Variants in PRLR observed in about 807,000 individuals in gnomAD.
PRLR encodes hPRL receptor.
Under a neutral mutation model 40.2 loss-of-function variants are expected in PRLR, and 13 were observed. The ratio of observed to expected loss-of-function variants is 0.32; its 90% CI spans 0.21 to 0.51. The LOEUF is 0.51. Among genes scored for constraint, PRLR ranks in the 20% least tolerant of loss-of-function variants. The probability of loss-of-function intolerance (pLI) is 0.97; values close to 1 mark genes in which losing one functional copy is unlikely to be tolerated. For synonymous variants in PRLR, 269 were observed against 278.7 expected (o/e 0.97, Z 0.35); for missense variants, 656 against 747.3 (o/e 0.88, Z 1.42).
chr5:35,208,349 T>C (rs1360730946), intron 1 of PRLR, among the ~76,000 whole-genome samples: 1 of 152,160 alleles, frequency 6.6e-6, no homozygotes, highest in African/African-American at 2.4e-5. Context: ...CCTTCCCTTA[T>C]CCCCCAGGTC....
intron 1 of PRLR, among the ~76,000 whole-genome samples, chr5:35,221,355 C>A (rs1182456019): frequency 1.3e-5 from 2 of 152,136 alleles, no homozygotes; most frequent in Non-Finnish European, 2.9e-5. Flanking sequence ...AAGCTTCTGG[C>A]AATGTGATTT....
downstream of PRLR, among the ~76,000 whole-genome samples, chr5:35,053,381 G>T (rs1021438505): frequency 6.6e-6 from 1 of 152,208 alleles, no homozygotes; most frequent in Non-Finnish European, 1.5e-5. Context: ...GACTGGGCAT[G>T]GTGGCTCACG....
At chr5:35,154,824 C>T (rs1485086065) in intron 1 of PRLR, among the ~76,000 whole-genome samples, 2 of 152,130 alleles carry the variant, frequency 1.3e-5, no homozygotes, top group Non-Finnish European at 2.9e-5. Flanking sequence ...AAAACGAGAT[C>T]ATGTCTTCTT....
chr5:35,093,306 T>C lies in PRLR; in HGVS notation c.-43-3643A>G, dbSNP rs566877129. Among the ~76,000 whole-genome samples the C allele has an allele frequency of 2.0e-5, 3 of 152,246 alleles. No homozygotes were observed. In the South Asian group the frequency reaches 6.2e-4, roughly 32 times the overall value. ...ATAAACCAGATCTGAGCTCCCAACA[T>C]ACCACTCCCCACTGTCAACCCCTCA... On this transcript the variant is annotated intron_variant, in intron 2 of 9. Transcript: ENST00000618457.
chr5:35,091,860 T>C (rs1561289198), intron 2 of PRLR, among the ~76,000 whole-genome samples: 3 of 152,246 alleles, frequency 2.0e-5, no homozygotes, highest in African/African-American at 7.2e-5. Context: ...GATGAGAGTC[T>C]ATCCACTGGC....
intron 1 of PRLR, among the ~76,000 whole-genome samples, chr5:35,200,535 G>C (rs1369877614): frequency 6.6e-6 from 1 of 152,202 alleles, no homozygotes; most frequent in East Asian, 1.9e-4. Flanking sequence ...CAACGAAATA[G>C]AGATACTTTC....
At chr5:35,076,735 C>T (rs751253170) in intron 5 of PRLR, among the ~76,000 whole-genome samples, 7 of 152,072 alleles carry the variant, frequency 4.6e-5, no homozygotes, top group Non-Finnish European at 7.4e-5. Context: ...CTCCAAGACA[C>T]GTAATTGTCA....
At chr5:35,088,479 T>G (rs1247930027) in intron 3 of PRLR, among the ~76,000 whole-genome samples, 1 of 152,170 alleles carries the variant, frequency 6.6e-6, no homozygotes, top group Non-Finnish European at 1.5e-5. Context: ...TCTTGAGTAT[T>G]TAGTTTCTCT....
intron 1 of PRLR, among the ~76,000 whole-genome samples, chr5:35,131,361 T>C (rs1773665150): frequency 6.6e-6 from 1 of 152,020 alleles, no homozygotes; most frequent in Non-Finnish European, 1.5e-5. Flanking sequence ...GATCCAGAGC[T>C]AGAAAATGAG....
chr5:35,162,168 A>G (rs1414566527), intron 1 of PRLR, among the ~76,000 whole-genome samples: 1 of 152,224 alleles, frequency 6.6e-6, no homozygotes, highest in African/African-American at 2.4e-5. Flanking sequence ...CAGTAACAAA[A>G]GACTTGTCAA....
intron 5 of PRLR, 128 bp downstream of exon 5, chr5:35,084,342 A>C: frequency 1.1e-6 from 1 of 902,268 alleles, no homozygotes; most frequent in South Asian, 1.9e-5. Flanking sequence ...GTTGACAAGC[A>C]TATCGTGAGT....
At chr5:35,177,485 C>T (rs1481633545) in intron 1 of PRLR, among the ~76,000 whole-genome samples, 1 of 152,192 alleles carries the variant, frequency 6.6e-6, no homozygotes, top group African/African-American at 2.4e-5. Flanking sequence ...CTCCCCAGCC[C>T]CTGGCAAACA....
intron 2 of PRLR, among the ~76,000 whole-genome samples, chr5:35,114,895 C>G: frequency 6.6e-6 from 1 of 152,194 alleles, no homozygotes; most frequent in East Asian, 1.9e-4. Context: ...CTTTGGCTCC[C>G]TTCCCTTTTG....
At chr5:35,152,575 T>C (rs1284154900) in intron 1 of PRLR, among the ~76,000 whole-genome samples, 14 of 152,174 alleles carry the variant, frequency 9.2e-5, no homozygotes. Context: ...TAAAGACAAA[T>C]GGACAACATG....
rs1008907930 is a variant in PRLR, at chr5:35,059,041, G to A, written c.*6048C>T. On this transcript the variant is annotated 3_prime_UTR_variant, in exon 10 of 10. Transcript: ENST00000618457. ...TTCGCCATATAGTTTTTCAGATAACGTGGAAAAAAGATTTTTCCCCCAGGA... is the reference window on the plus strand; with the variant it reads ...TTCGCCATATAGTTTTTCAGATAACATGGAAAAAAGATTTTTCCCCCAGGA... 3.9e-5 allele frequency: 6 copies of A among 151,934 alleles called. No homozygotes were observed. Among genetic ancestry groups the A allele is most frequent in the Non-Finnish European group, 7.4e-5 (5 of 67,978 alleles). 9.4% of individuals were successfully genotyped at this position (151,934 alleles called of 1,614,324 possible). A position where few individuals can be genotyped will look rare whatever the true frequency, so the allele number is the denominator to read the frequency against.
At chr5:35,217,870 G>C (rs1776322229) in intron 1 of PRLR, among the ~76,000 whole-genome samples, 1 of 152,128 alleles carries the variant, frequency 6.6e-6, no homozygotes, top group South Asian at 2.1e-4. Context: ...ACTGATTCCT[G>C]TGATCACATA....
At chr5:35,095,797 C>T (rs899566305) in intron 2 of PRLR, among the ~76,000 whole-genome samples, 1 of 152,186 alleles carries the variant, frequency 6.6e-6, no homozygotes, top group African/African-American at 2.4e-5. Flanking sequence ...TTGGGGAAAA[C>T]ATCCAGAACT....
intron 1 of PRLR, among the ~76,000 whole-genome samples, chr5:35,120,013 TA>T (rs147123924): frequency 0.016 from 2,486 of 152,292 alleles, 37 homozygotes; most frequent in Non-Finnish European, 0.027. Context: ...GCTTACCACT[TA>T]GCCCTTGTCA....
At chr5:35,089,705 C>A in intron 2 of PRLR, 42 bp from the exon 3 acceptor site, 1 of 1,297,440 alleles carries the variant, frequency 7.7e-7, no homozygotes, top group South Asian at 1.2e-5. Context: ...AAATGGCAGT[C>A]TGGTCAGGCA....
Sources: gnomAD v4.1 joint callset for allele counts (sites outside exome capture counted in the v4.1 genomes callset) on GRCh38, gnomAD v4.1.1 for gene constraint, MANE v1.5 for transcripts, NCBI Gene and HGNC (gene_info 2026-07-23, HGNC 2026-07-21) for gene names.